Variants in NIPAL2 observed in about 807,000 individuals in gnomAD.
NIPAL2 encodes the protein NIPA-like protein 2.
A neutral mutation model predicts 48.9 loss-of-function variants in NIPAL2; 43 were observed. That is an observed-to-expected ratio of 0.88 (90% CI 0.69 to 1.13). The LOEUF is 1.13. Ranked by LOEUF, NIPAL2 falls within the 50% of genes most tolerant of loss-of-function variation. The pLI is 0.00. For synonymous variants in NIPAL2, 167 were observed against 174.6 expected, an observed-to-expected ratio of 0.96 and a Z score of 0.34; for missense variants, 446 against 461.4, an observed-to-expected ratio of 0.97 and a Z score of 0.31.
intron 1 of NIPAL2, among the ~76,000 whole-genome samples, chr8:98,276,297 C>G (rs1172547732): frequency 6.6e-6 from 1 of 152,140 alleles, no homozygotes; most frequent in African/African-American, 2.4e-5. Flanking sequence ...TTTACTGTCT[C>G]TATAGTTTTG....
At chr8:98,205,291 T>C (rs1810978461) in intron 6 of NIPAL2, 45 bp from the exon 7 acceptor site, 3 of 1,539,442 alleles carry the variant, frequency 1.9e-6, no homozygotes, top group African/African-American at 1.4e-5. Flanking sequence ...ATATTTCAGA[T>C]TGAATTAACA....
At chr8:98,264,569 AC>A (rs1378444652) in intron 1 of NIPAL2, among the ~76,000 whole-genome samples, 1 of 151,320 alleles carries the variant, frequency 6.6e-6, no homozygotes, top group Non-Finnish European at 1.5e-5. Flanking sequence ...AATCCAACTT[AC>A]AAGGGATGTG....
intron 10 of NIPAL2, among the ~76,000 whole-genome samples, chr8:98,193,704 G>A (rs1279944920): frequency 6.6e-6 from 1 of 151,346 alleles, no homozygotes; most frequent in Non-Finnish European, 1.5e-5. Flanking sequence ...TCGGGAGGCT[G>A]AGACACGAGA....
At chr8:98,280,145 G>A (rs923828437) in intron 1 of NIPAL2, among the ~76,000 whole-genome samples, 8 of 152,194 alleles carry the variant, frequency 5.3e-5, no homozygotes, top group African/African-American at 9.7e-5. Flanking sequence ...ACAGGATATG[G>A]TAATACAGGG....
intron 3 of NIPAL2, among the ~76,000 whole-genome samples, chr8:98,246,233 C>CT (rs1813300487): frequency 6.6e-6 from 1 of 152,174 alleles, no homozygotes; most frequent in South Asian, 2.1e-4. Context: ...TGACCGTCGT[C>CT]TAATGGATTA....
intron 1 of NIPAL2, among the ~76,000 whole-genome samples, chr8:98,271,330 A>G (rs1815111122): frequency 6.6e-6 from 1 of 152,234 alleles, no homozygotes; most frequent in South Asian, 2.1e-4. Context: ...ATCCATGAAC[A>G]TGGAATATTT....
intron 1 of NIPAL2, among the ~76,000 whole-genome samples, chr8:98,263,288 C>T (rs1038797316): frequency 4.1e-5 from 6 of 147,792 alleles, no homozygotes; most frequent in Non-Finnish European, 6.0e-5. Flanking sequence ...CAGAGCAGAA[C>T]TGAAGGAAAT....
chr8:98,224,572 A>C lies in NIPAL2; in HGVS notation c.437-1972T>G, dbSNP rs77567401. Among the ~76,000 whole-genome samples the C allele has an allele frequency of 8.2e-3, 1,242 of 151,778 alleles. 15 individuals are homozygous for C. Among genetic ancestry groups the C allele is most frequent in the Middle Eastern group, 0.065 (19 of 294 alleles). On this transcript the variant is annotated intron_variant, in intron 4 of 10. Coordinates refer to ENST00000430223, the MANE Select transcript of NIPAL2 (RefSeq NM_001321635.2). ...CTCCCTACTTCACATCCACGTCTGC[A>C]TTTGCCTTCCATGACTGTCCCTATC...
chr8:98,250,660 A>C (rs1228101383), intron 3 of NIPAL2, among the ~76,000 whole-genome samples: 3 of 152,210 alleles, frequency 2.0e-5, no homozygotes, highest in Non-Finnish European at 2.9e-5. Flanking sequence ...ATTGGGGCTA[A>C]CAGCACACAA....
chr8:98,222,449 C>T (rs753599234), intron 5 of NIPAL2, 30 bp downstream of exon 5: 23 of 1,608,340 alleles, frequency 1.4e-5, no homozygotes, highest in South Asian at 7.8e-5. Flanking sequence ...AATATAGCTT[C>T]GGGGATAGTA....
chr8:98,245,219 G>A (rs994075118), intron 3 of NIPAL2, among the ~76,000 whole-genome samples: 9 of 152,252 alleles, frequency 5.9e-5, no homozygotes, highest in Middle Eastern at 6.8e-3. Context: ...CTCCAAACAC[G>A]TGGACACATC....
chr8:98,287,842 G>A (rs1381746967), intron 1 of NIPAL2, among the ~76,000 whole-genome samples: 1 of 152,178 alleles, frequency 6.6e-6, no homozygotes, highest in African/African-American at 2.4e-5. Context: ...AAAAAGGATA[G>A]CTTTGGGGAA....
chr8:98,232,872 T>C (rs1353841562), intron 4 of NIPAL2, among the ~76,000 whole-genome samples: 1 of 152,222 alleles, frequency 6.6e-6, no homozygotes. Context: ...TGTAAATGGA[T>C]TGTTCCTACA....
chr8:98,241,369 T>A (rs1023309270), intron 3 of NIPAL2, among the ~76,000 whole-genome samples: 1 of 152,210 alleles, frequency 6.6e-6, no homozygotes, highest in Non-Finnish European at 1.5e-5. Flanking sequence ...CACACACAAT[T>A]TTAAGGCTGA....
At chr8:98,245,405 G>C (rs1048304097) in intron 3 of NIPAL2, among the ~76,000 whole-genome samples, 1 of 151,974 alleles carries the variant, frequency 6.6e-6, no homozygotes, top group African/African-American at 2.4e-5. Flanking sequence ...ATCTTACAGC[G>C]GGAAAAGTTC....
chr8:98,204,479 C>A (rs1236904115), intron 7 of NIPAL2, among the ~76,000 whole-genome samples: 2 of 152,044 alleles, frequency 1.3e-5, no homozygotes, highest in African/African-American at 2.4e-5. Context: ...AAGGCACAAT[C>A]CCAATGTGAG....
chr8:98,294,152 G>T lies in NIPAL2; in HGVS notation c.-15C>A. The T allele has an allele frequency of 1.5e-6, 2 of 1,373,054 alleles. No individual in the cohort carries two copies. Among genetic ancestry groups the T allele is most frequent in the Non-Finnish European group, 9.4e-7 (1 of 1,062,704 alleles). 85.1% of individuals were successfully genotyped at this position (1,373,054 alleles called of 1,614,324 possible). A position where few individuals can be genotyped will look rare whatever the true frequency, so the allele number is the denominator to read the frequency against. ...ACCGCTGCCATGAGGTCTCGCTCCC[G>T]GCGCTCGGGCTCCGGCTCGGGCTGC... On this transcript the variant is annotated 5_prime_UTR_variant, in exon 1 of 11. Coordinates refer to ENST00000430223, the MANE Select transcript of NIPAL2 (RefSeq NM_001321635.2).
intron 5 of NIPAL2, among the ~76,000 whole-genome samples, chr8:98,213,457 A>G (rs921519207): frequency 1.4e-4 from 21 of 152,158 alleles, no homozygotes; most frequent in Admixed American, 1.4e-3. Context: ...TCCTTTGCTG[A>G]AACCTCCTGT....
chr8:98,195,870 C>A (rs529588621), intron 9 of NIPAL2, 72 bp downstream of exon 9: 2 of 1,062,664 alleles, frequency 1.9e-6, no homozygotes, highest in Admixed American at 4.2e-5. Context: ...TCTATACCTC[C>A]GGTACAATGC....
Sources: allele counts gnomAD v4.1 joint callset (sites outside exome capture counted in the v4.1 genomes callset), GRCh38; gene constraint gnomAD v4.1.1; transcripts MANE v1.5; gene names NCBI Gene and HGNC (gene_info 2026-07-23, HGNC 2026-07-21).